ABCC5: variants seen among roughly 807,000 people sequenced by gnomAD.
ABCC5 encodes ATP binding cassette subfamily C member 5.
Under a neutral mutation model 160.9 loss-of-function variants are expected in ABCC5, and 61 were observed. The ratio of observed to expected loss-of-function variants is 0.38; its 90% CI spans 0.31 to 0.47. The LOEUF (loss-of-function observed/expected upper bound fraction) is 0.47. Among genes scored for constraint, ABCC5 ranks in the 20% least tolerant of loss-of-function variants. The pLI, the probability that ABCC5 is intolerant of heterozygous loss-of-function variation, is 0.99. For synonymous variants in ABCC5, 666 were observed against 700.6 expected (o/e 0.95, Z 0.78); for missense variants, 1,308 against 1,813.3 (o/e 0.72, Z 5.06).
chr3:183,998,532 C>T (rs1720460721), intron 2 of ABCC5, among the ~76,000 whole-genome samples: 1 of 152,098 alleles, frequency 6.6e-6, no homozygotes, highest in Admixed American at 6.5e-5. Context: ...CTAATTTAAT[C>T]CTCATAACAA....
chr3:183,921,477 A>T lies in ABCC5; in HGVS notation c.4213-76T>A. 7.4e-7 allele frequency: 1 copy of T among 1,349,106 alleles called. No homozygotes were observed. Among genetic ancestry groups the T allele is most frequent in the Non-Finnish European group, 1.0e-6 (1 of 993,052 alleles). 83.6% of individuals were successfully genotyped at this position (1,349,106 alleles called of 1,614,324 possible). The stretch of plus-strand genomic sequence containing the variant: ...GATTCAGAGGATCCACGGCTCAGTA[A>T]GTGCCAGTGCCCTCTGAGGGTAGAA... On this transcript the variant is annotated intron_variant, in intron 29 of 29. Coordinates refer to ENST00000334444, the MANE Select transcript of ABCC5 (RefSeq NM_005688.4). This position sits in a 1 kb window ranked among gnomAD's most constrained non-coding sequence, Gnocchi z 4.1.
chr3:183,996,896 G>T (rs1260719111), intron 2 of ABCC5, among the ~76,000 whole-genome samples: 1 of 152,082 alleles, frequency 6.6e-6, no homozygotes, highest in Non-Finnish European at 1.5e-5. Flanking sequence ...TTCCCAAATT[G>T]TCAATCTTGT....
Position 183,924,427 on chromosome 3 carries a change from G to C in ABCC5, c.4212+1128C>G, listed in dbSNP as rs75491489. 6.2e-3 allele frequency among the ~76,000 whole-genome samples: 947 copies of C among 152,244 alleles called. 6 individuals are homozygous for C. Among genetic ancestry groups the C allele is most frequent in the Middle Eastern group, 0.01 (3 of 294 alleles). On this transcript the variant is annotated intron_variant, in intron 29 of 29. Coordinates refer to ENST00000334444, the MANE Select transcript of ABCC5 (RefSeq NM_005688.4). ...GTTGTGATGACTGATGGTATGTTGA[G>C]AGATTATATGTAAAGCACTAAGCAC...
At chr3:184,013,239 A>G (rs559221242) in intron 2 of ABCC5, among the ~76,000 whole-genome samples, 2 of 152,246 alleles carry the variant, frequency 1.3e-5, no homozygotes, top group Non-Finnish European at 2.9e-5. Context: ...GTCTCTCCAA[A>G]GGATTCACAT....
At chr3:183,938,179 C>T in intron 25 of ABCC5, 119 bp from the exon 26 acceptor site, 1 of 960,380 alleles carries the variant, frequency 1.0e-6, no homozygotes, top group Non-Finnish European at 1.6e-6. Context: ...GTTATTTCAA[C>T]TGATTAACTG....
intron 8 of ABCC5, among the ~76,000 whole-genome samples, chr3:183,980,209 C>T (rs943489285): frequency 3.9e-5 from 6 of 152,128 alleles, no homozygotes; most frequent in African/African-American, 1.4e-4. Context: ...ATACACTGAC[C>T]TTAAAGGTAT....
At chr3:183,979,867 G>A (rs1289824172) in intron 8 of ABCC5, among the ~76,000 whole-genome samples, 2 of 150,596 alleles carry the variant, frequency 1.3e-5, no homozygotes, top group South Asian at 2.1e-4. Context: ...GAGCCACCTC[G>A]CCCGGCCAAT....
intron 2 of ABCC5, among the ~76,000 whole-genome samples, chr3:184,001,548 A>G (rs758534964): frequency 6.6e-5 from 10 of 152,150 alleles, no homozygotes; most frequent in African/African-American, 1.2e-4. Context: ...ACATGTGGCA[A>G]TATCTGGAAA....
Position 183,987,688 on chromosome 3 carries a change from A to C in ABCC5, c.591+82T>G. The C allele has an allele frequency of 6.3e-7, 1 of 1,589,274 alleles. No individual in the cohort carries two copies. Among genetic ancestry groups the C allele is most frequent in the Non-Finnish European group, 8.6e-7 (1 of 1,164,102 alleles). The stretch of plus-strand genomic sequence containing the variant: ...TGCTACCTAGCCCAAAGCTGAGCAC[A>C]ACCTCTGCAACAGAATAAGAGTGTT... On this transcript the variant is annotated intron_variant, in intron 5 of 29. Coordinates refer to ENST00000334444, the MANE Select transcript of ABCC5 (RefSeq NM_005688.4). The surrounding 1 kb of genome is among the most constrained non-coding windows in gnomAD (Gnocchi z 4.2).
At chr3:183,995,585 T>C (rs974810129) in intron 2 of ABCC5, among the ~76,000 whole-genome samples, 40 of 152,228 alleles carry the variant, frequency 2.6e-4, no homozygotes, top group African/African-American at 8.2e-4. Context: ...TGTCGAAAAG[T>C]TGGCCATGCC....
chr3:183,988,903 C>T lies in ABCC5; in HGVS notation c.288-176G>A, dbSNP rs538920514. Among the ~76,000 whole-genome samples the T allele has an allele frequency of 7.2e-5, 11 of 152,194 alleles. No homozygotes were observed. The highest frequency in any genetic ancestry group is 2.6e-4 in the African/African-American group (11 of 41,534). ...TTGATGGGCCGGGCGCGGTGGCTCA[C>T]ACCTGTAATCCCAGCACTTTGGGAG... On this transcript the variant is annotated intron_variant, in intron 3 of 29. Transcript: ENST00000334444. This position sits in a 1 kb window ranked among gnomAD's most constrained non-coding sequence, Gnocchi z 4.4.
chr3:183,974,049 A>G (rs1408239607), intron 10 of ABCC5, among the ~76,000 whole-genome samples: 1 of 152,200 alleles, frequency 6.6e-6, no homozygotes, highest in Non-Finnish European at 1.5e-5. Context: ...AGAGGCAGAG[A>G]AGGGCCTCCC....
In ABCC5 at chr3:183,938,080, G is replaced by C; in HGVS notation, c.3695-20C>G. 4 of 1,611,618 alleles carry C rather than the reference G, an allele frequency of 2.5e-6. No individual in the cohort carries two copies. The South Asian group carries it at 4.4e-5, about 18-fold the overall frequency. On this transcript the variant is annotated intron_variant, in intron 25 of 29. Coordinates refer to ENST00000334444, the MANE Select transcript of ABCC5 (RefSeq NM_005688.4). ...ACTTCCCTGATGAGTCAGAAGACAT[G>C]CAAGAGAGGAGCTGTTAGCAAAGTC...
Position 183,984,729 on chromosome 3 carries a change from C to T in ABCC5, c.592-1722G>A, listed in dbSNP as rs138254460. On this transcript the variant is annotated intron_variant, in intron 5 of 29. Transcript: ENST00000334444. ...TGTATACAGCCGGGTTGCTGGTTTA[C>T]TAGCAAGAAGATTGGCTTCTTTTCC... The T allele has an allele frequency of 5.2e-4, 790 of 1,533,186 alleles. 4 individuals are homozygous for T. In the African/African-American group the frequency reaches 9.6e-3, roughly 19 times the overall value. 95.0% of individuals were successfully genotyped at this position (1,533,186 alleles called of 1,614,324 possible). A position where few individuals can be genotyped will look rare whatever the true frequency, so the allele number is the denominator to read the frequency against.
chr3:183,922,147 G>A (rs770082246), intron 29 of ABCC5, among the ~76,000 whole-genome samples: 69 of 150,852 alleles, frequency 4.6e-4, no homozygotes, highest in Admixed American at 1.7e-3. Flanking sequence ...CGAGGCAGGC[G>A]GATCACCTGA....
intron 20 of ABCC5, among the ~76,000 whole-genome samples, chr3:183,950,769 C>G (rs1453638379): frequency 6.6e-6 from 1 of 152,224 alleles, no homozygotes; most frequent in Admixed American, 6.5e-5. Flanking sequence ...CTTGTTACCT[C>G]TGGCCATGGG....
At chr3:184,003,809 T>C (rs918831920) in intron 2 of ABCC5, among the ~76,000 whole-genome samples, 1 of 152,222 alleles carries the variant, frequency 6.6e-6, no homozygotes, top group Non-Finnish European at 1.5e-5. Context: ...TTATTCAAAG[T>C]TCCTGTTATG....
At chr3:183,952,106 T>G (rs977725339) in intron 18 of ABCC5, 103 bp from the exon 19 acceptor site, 1 of 1,205,266 alleles carries the variant, frequency 8.3e-7, no homozygotes, top group African/African-American at 1.5e-5. Context: ...TACAGGATAA[T>G]GACCCACCCT....
rs1031407988 is a variant in ABCC5, at chr3:183,977,520, A to G, written c.1401T>C (p.Phe467=). 3.7e-6 allele frequency: 6 copies of G among 1,611,578 alleles called. No homozygotes were observed. Among genetic ancestry groups the G allele is most frequent in the Non-Finnish European group, 3.4e-6 (4 of 1,177,802 alleles). The change falls in exon 10 of 30, where the codon TTT becomes TTC. Residue 467 remains phenylalanine, a synonymous_variant. Transcript: ENST00000334444. ...LSEASVAVDR[F]KSLFLMEEVH... is the part of the protein sequence containing the mutation. ...GGCAGGGGAAGGAGCCACTTACCTTAAATCTGTCAACAGCCACTGAGGCTT... is the reference window on the plus strand; with the variant it reads ...GGCAGGGGAAGGAGCCACTTACCTTGAATCTGTCAACAGCCACTGAGGCTT...
Sources: allele counts gnomAD v4.1 joint callset (sites outside exome capture counted in the v4.1 genomes callset), GRCh38; gene constraint gnomAD v4.1.1; non-coding constraint Gnocchi (gnomAD v3.1); transcripts MANE v1.5; gene names NCBI Gene and HGNC (gene_info 2026-07-23, HGNC 2026-07-21).